TEP1: variants seen among roughly 807,000 people sequenced by gnomAD.
TEP1 encodes the protein telomerase protein component 1.
TEP1 carries 241 observed loss-of-function variants against 306.3 expected under a neutral mutation model. The ratio of observed to expected loss-of-function variants is 0.79; its 90% CI spans 0.71 to 0.88. The LOEUF is 0.88. Among genes scored for constraint, TEP1 ranks in the 40% least tolerant of loss-of-function variants. The probability of loss-of-function intolerance (pLI) is 0.00; values close to 1 mark genes in which losing one functional copy is unlikely to be tolerated. For missense variants in TEP1, 3,051 were observed against 3,276.1 expected, an observed-to-expected ratio of 0.93 and a Z score of 1.68; for synonymous variants, 1,289 against 1,305.5, an observed-to-expected ratio of 0.99 and a Z score of 0.27.
At chr14:20,389,161 A>AT in intron 17 of TEP1, 77 bp downstream of exon 17, 2 of 1,337,490 alleles carry the variant, frequency 1.5e-6, no homozygotes, top group African/African-American at 1.5e-5. Context: ...AAAAAAAAAA[A>AT]GTGACTGGAG....
chr14:20,403,481 G>A, intron 6 of TEP1, 33 bp from the exon 7 acceptor site: 2 of 1,613,298 alleles, frequency 1.2e-6, no homozygotes, highest in Non-Finnish European at 1.7e-6. Flanking sequence ...TTCAAAAAAA[G>A]GGAACTGGCT....
intron 5 of TEP1, 68 bp from the exon 6 acceptor site, chr14:20,403,952 C>T: frequency 6.2e-7 from 1 of 1,603,094 alleles, no homozygotes. Context: ...AAAACGAGAT[C>T]ACTTCATGGA....
chr14:20,403,620 T>C, intron 6 of TEP1, 103 bp downstream of exon 6: 1 of 1,591,168 alleles, frequency 6.3e-7, no homozygotes, highest in Non-Finnish European at 8.6e-7. Flanking sequence ...TTTCTCTGAC[T>C]CCCTTTGCTC....
chr14:20,378,667 G>A, intron 37 of TEP1, 87 bp downstream of exon 37: 1 of 1,577,216 alleles, frequency 6.3e-7, no homozygotes, highest in Non-Finnish European at 8.7e-7. Flanking sequence ...CAGGGAGTCA[G>A]CAGCCTCTGC....
intron 14 of TEP1, 76 bp downstream of exon 14, chr14:20,390,862 C>CTTTTT (rs1339107094): frequency 3.1e-6 from 5 of 1,610,364 alleles, no homozygotes; most frequent in Non-Finnish European, 4.2e-6. Flanking sequence ...TTGTCTGTGC[C>CTTTTT]TTTACCAAAT....
intron 20 of TEP1, 75 bp from the exon 21 acceptor site, chr14:20,385,184 G>C (rs1877027088): frequency 5.1e-6 from 8 of 1,579,422 alleles, no homozygotes; most frequent in Non-Finnish European, 6.9e-6. Context: ...CAAGGCCCCA[G>C]GACTCCTGTA....
At chr14:20,387,793 C>T in intron 18 of TEP1, 112 bp downstream of exon 18, 1 of 1,326,990 alleles carries the variant, frequency 7.5e-7, no homozygotes, top group Non-Finnish European at 1.0e-6. Context: ...GGAAGCATGC[C>T]TTCATGAAGA....
intron 7 of TEP1, 76 bp from the exon 8 acceptor site, chr14:20,401,657 G>T: frequency 6.3e-7 from 1 of 1,578,636 alleles, no homozygotes. Context: ...AAAGCAGATT[G>T]TAAGACCATC....
chr14:20,382,800 C>G, intron 27 of TEP1, 85 bp from the exon 28 acceptor site: 2 of 1,294,106 alleles, frequency 1.5e-6, no homozygotes, highest in Non-Finnish European at 2.2e-6. Flanking sequence ...CTCTGCCAGG[C>G]AGCTCCTCCT....
At chr14:20,398,581 C>T (rs1040077480) in intron 9 of TEP1, among the ~76,000 whole-genome samples, 1 of 151,690 alleles carries the variant, frequency 6.6e-6, no homozygotes. Context: ...AACTATTACA[C>T]GTAACACATA....
At position 20,381,507 on chromosome 14, in the gene TEP1, C is replaced by T. The variant is rs369663832; in HGVS notation, c.4558+46G>A. 6.8e-6 allele frequency: 11 copies of T among 1,612,684 alleles called. 1 individual carries two copies. The African/African-American group carries it at 9.3e-5, about 14-fold the overall frequency. On this transcript the variant is annotated intron_variant, in intron 31 of 54. Transcript: ENST00000262715. This position sits in a 1 kb window ranked among gnomAD's most constrained non-coding sequence, Gnocchi z 4.0. ...ACAGTGGGTGGTCCTGGCCTCCAGG[C>T]CCAAGCCCCACACTCAGTGCCCAGG... is the stretch of plus-strand genomic sequence containing the variant.
chr14:20,383,099 C>T (rs933321807), intron 27 of TEP1, 75 bp downstream of exon 27: 24 of 1,471,672 alleles, frequency 1.6e-5, no homozygotes, highest in Middle Eastern at 2.1e-4. Context: ...AGGCAGCTAG[C>T]GGCCTCGGCA....
At chr14:20,407,385 G>C (rs1009103954) in intron 2 of TEP1, among the ~76,000 whole-genome samples, 9 of 152,312 alleles carry the variant, frequency 5.9e-5, no homozygotes, top group African/African-American at 1.9e-4. Context: ...TTGAGACACA[G>C]TCTCTCTCTG....
chr14:20,404,569 G>A, intron 5 of TEP1, 42 bp downstream of exon 5: 1 of 1,585,266 alleles, frequency 6.3e-7, no homozygotes, highest in Non-Finnish European at 8.6e-7. Flanking sequence ...ATAAGAGAAG[G>A]AATGAAGTGA....
At position 20,391,629 on chromosome 14, in the gene TEP1, G is replaced by T. The variant is rs147180226; in HGVS notation, c.2067C>A (p.Asp689Glu). 4 of 1,614,122 alleles carry T rather than the reference G, an allele frequency of 2.5e-6. No homozygotes were observed. The highest frequency in any genetic ancestry group is 3.4e-6 in the Non-Finnish European group (4 of 1,179,998). ...VLVYLTDANA[D>E]RLCPKSNPQG... ...GTGGGTTGCTCTTTGGACAGAGCCTGTCTGCATTAGCATCTGTCAGATAGA... is the reference window on the plus strand; with the variant it reads ...GTGGGTTGCTCTTTGGACAGAGCCTTTCTGCATTAGCATCTGTCAGATAGA... Residue 689 changes from aspartate (D) to glutamate (E), a missense_variant, in exon 13 of 55, where the codon GAC becomes GAA. Asp to Glu is a conservative substitution (Grantham distance 45). This residue lies in a region of TEP1 where 1,507 missense variants were observed against 1,550.5 expected (regional missense o/e 0.97). Transcript: ENST00000262715.
intron 12 of TEP1, 63 bp downstream of exon 12, chr14:20,395,387 T>C (rs1228739288): frequency 2.0e-6 from 3 of 1,480,528 alleles, no homozygotes; most frequent in Non-Finnish European, 2.7e-6. Flanking sequence ...CCCAGATGAC[T>C]TCCAACCTGT....
At chr14:20,383,680 GA>G (rs112044157) in intron 25 of TEP1, 36 bp from the exon 26 acceptor site, 257,011 of 1,602,246 alleles carry the variant, frequency 0.16, 22,253 homozygotes, top group African/African-American at 0.3. Flanking sequence ...CAGTGGGAGA[GA>G]AAAAAAAAGC....
At position 20,379,033 on chromosome 14, in the gene TEP1, G is replaced by C; in HGVS notation, c.5200C>G (p.Leu1734Val). The C allele has an allele frequency of 6.2e-7, 1 of 1,614,218 alleles. No homozygotes were observed. Among genetic ancestry groups the C allele is most frequent in the Non-Finnish European group, 8.5e-7 (1 of 1,180,032 alleles). Residue 1734 changes from leucine to valine, a missense_variant, in exon 36 of 55, where the codon CTT becomes GTT. Transcript: ENST00000262715. The part of the protein sequence containing the change: ...CLFLSDDTLF[L>V]TAFDGLLELW... The stretch of plus-strand genomic sequence containing the variant: ...TCCAGGAGCCCGTCGAAGGCAGTAA[G>C]AAAGAGTGTATCATCGGAGAGGAAC...
intron 13 of TEP1, 113 bp from the exon 14 acceptor site, chr14:20,391,209 G>A (rs1877692892): frequency 8.7e-7 from 1 of 1,151,506 alleles, no homozygotes. Context: ...AAGAAAAAGT[G>A]TAAAATCCCA....
Sources: gnomAD v4.1 joint callset for allele counts (sites outside exome capture counted in the v4.1 genomes callset) on GRCh38, gnomAD v4.1.1 for gene constraint, gnomAD v4.1.1 regional missense constraint, Gnocchi (gnomAD v3.1) non-coding constraint, MANE v1.5 for transcripts, NCBI Gene and HGNC (gene_info 2026-07-23, HGNC 2026-07-21) for gene names.